ELAC2: variants seen among roughly 807,000 people sequenced by gnomAD.
ELAC2 encodes the protein elaC ribonuclease Z 2, also known as zinc phosphodiesterase ELAC protein 2.
In ELAC2, 92 loss-of-function variants were observed where a neutral mutation model predicts 105.2. The ratio of observed to expected loss-of-function variants is 0.87; its 90% CI spans 0.74 to 1.04. The LOEUF is 1.04. Among genes scored for constraint, ELAC2 ranks in the 50% least tolerant of loss-of-function variants. The probability of loss-of-function intolerance (pLI) is 0.00; values close to 1 mark genes in which losing one functional copy is unlikely to be tolerated. For synonymous variants in ELAC2, 468 were observed against 409.1 expected (o/e 1.14, Z -1.74); for missense variants, 1,099 against 1,071.7 (o/e 1.03, Z -0.36).
At chr17:12,996,410 A>C (rs1239781248) in intron 17 of ELAC2, 137 bp downstream of exon 17, 1 of 1,363,238 alleles carries the variant, frequency 7.3e-7, no homozygotes, top group Non-Finnish European at 1.0e-6. Flanking sequence ...TTTGCAAAAA[A>C]CCATTTCCTA....
At position 13,017,942 on chromosome 17, in the gene ELAC2, C is replaced by A; in HGVS notation, c.6G>T (p.Trp2Cys). ...CGGACCGCAGCAGCGAGCAAAGCGC[C>A]CACATGCGCCCGTCTCCACCAAAAC... is the stretch of plus-strand genomic sequence containing the variant. M[W>C]ALCSLLRSAA... The change falls in exon 1 of 24, where the codon TGG (tryptophan) becomes TGT (cysteine). Residue 2 changes from tryptophan to cysteine, a missense_variant. Physicochemically the swap from Trp to Cys is radical, Grantham distance 215. Transcript: ENST00000338034. 1 of 1,537,056 alleles carries A rather than the reference C, an allele frequency of 6.5e-7. No homozygotes were observed. The highest frequency in any genetic ancestry group is 1.4e-5 in the African/African-American group (1 of 73,082).
chr17:13,015,473 C>T (rs945824395), intron 4 of ELAC2, among the ~76,000 whole-genome samples: 2 of 152,222 alleles, frequency 1.3e-5, no homozygotes, highest in African/African-American at 4.8e-5. Context: ...AAACATATAT[C>T]TAATAAAGTG....
In ELAC2 at chr17:13,017,995, G is replaced by T. The variant is rs1471680571; in HGVS notation, c.-48C>A. 6.5e-7 allele frequency: 1 copy of T among 1,533,802 alleles called. No individual in the cohort carries two copies. The highest frequency in any genetic ancestry group is 2.4e-5 in the East Asian group (1 of 40,866). On this transcript the variant is annotated 5_prime_UTR_variant, in exon 1 of 24. Coordinates refer to ENST00000338034, the MANE Select transcript of ELAC2 (RefSeq NM_018127.7). ...AGAAAGCCGCCGGTCACCTACGCCC[G>T]CGTTTCCCGTGCACCACCTAGCCGC...
At position 13,017,992 on chromosome 17, in the gene ELAC2, C is replaced by T. The variant is rs1030332950; in HGVS notation, c.-45G>A. On this transcript the variant is annotated 5_prime_UTR_variant, in exon 1 of 24. Coordinates refer to ENST00000338034, the MANE Select transcript of ELAC2 (RefSeq NM_018127.7). ...CTGAGAAAGCCGCCGGTCACCTACG[C>T]CCGCGTTTCCCGTGCACCACCTAGC... is the stretch of plus-strand genomic sequence containing the variant. 3.3e-6 allele frequency: 5 copies of T among 1,533,740 alleles called. No individual in the cohort carries two copies. Among genetic ancestry groups the T allele is most frequent in the East Asian group, 4.9e-5 (2 of 40,870 alleles).
At chr17:13,006,911 G>T (rs1319533266) in intron 8 of ELAC2, among the ~76,000 whole-genome samples, 1 of 151,998 alleles carries the variant, frequency 6.6e-6, no homozygotes. Context: ...CATGAGGTCA[G>T]GAGATCAAGA....
In ELAC2 at chr17:13,002,510, G is replaced by C; in HGVS notation, c.1149C>G (p.His383Gln). ...TGAGGTTGAGCTGGGTTTGAATCTT[G>C]TGGCTGCGAAGGTTGTGAACTGAGG... Reference protein sequence around the residue: ...NCASVHNLRSHKIQTQLNLIH... With the variant: ...NCASVHNLRSQKIQTQLNLIH... Residue 383 changes from histidine (H) to glutamine (Q), a missense_variant, in exon 13 of 24, where the codon CAC (histidine) becomes CAG (glutamine). Coordinates refer to ENST00000338034, the MANE Select transcript of ELAC2 (RefSeq NM_018127.7). 6.2e-7 allele frequency: 1 copy of C among 1,606,106 alleles called. No homozygotes were observed. Among genetic ancestry groups the C allele is most frequent in the African/African-American group, 1.3e-5 (1 of 74,956 alleles).
intron 23 of ELAC2, among the ~76,000 whole-genome samples, chr17:12,993,446 G>A (rs1456508883): frequency 6.6e-6 from 1 of 152,228 alleles, no homozygotes; most frequent in African/African-American, 2.4e-5. Context: ...GAGCAGTCCA[G>A]GCCTAAAAGG....
At chr17:13,010,373 G>A (rs775183323) in intron 8 of ELAC2, among the ~76,000 whole-genome samples, 15 of 152,152 alleles carry the variant, frequency 9.9e-5, no homozygotes, top group African/African-American at 2.7e-4. Flanking sequence ...GTTTCACCAC[G>A]TTGGTCAGGC....
intron 15 of ELAC2, among the ~76,000 whole-genome samples, chr17:12,998,742 G>A (rs1393947757): frequency 6.6e-6 from 1 of 152,158 alleles, no homozygotes; most frequent in Non-Finnish European, 1.5e-5. Context: ...CTGGCTCTCA[G>A]GAGACTGCAT....
At chr17:12,993,594 G>C in intron 23 of ELAC2, 93 bp downstream of exon 23, 1 of 1,587,636 alleles carries the variant, frequency 6.3e-7, no homozygotes, top group Non-Finnish European at 8.6e-7. Flanking sequence ...CCCCAAATAA[G>C]AAAGCAAACT....
chr17:12,994,626 T>A, intron 21 of ELAC2, 123 bp from the exon 22 acceptor site: 1 of 1,597,590 alleles, frequency 6.3e-7, no homozygotes. Context: ...CCTACTAGGA[T>A]GACAACCAGA....
rs777147755 is a variant in ELAC2 at position 12,992,896 on chromosome 17, G to A, written c.2403C>T (p.Gly801=). ...RAALLSRELA[G]GLEDGEPQQK... ...GCTGAGGCTCCCCATCCTCCAGGCC[G>A]CCTGCCAGCTCCCTGGACAGGAGGG... The change falls in exon 24 of 24, where the codon GGC becomes GGT. Residue 801 remains glycine (G), a synonymous_variant. Transcript: ENST00000338034. 6.9e-5 allele frequency: 112 copies of A among 1,611,956 alleles called. No individual in the cohort carries two copies. Among genetic ancestry groups the A allele is most frequent in the East Asian group, 8.9e-5 (4 of 44,882 alleles).
chr17:12,992,783 C>G lies in ELAC2; in HGVS notation c.*35G>C, dbSNP rs200249647. ...ACGGGTGCGTGCGTGGGGCAGAAGA[C>G]ACACAGCCTTCTGAGTTCAGGGTCT... On this transcript the variant is annotated 3_prime_UTR_variant, in exon 24 of 24. Coordinates refer to ENST00000338034, the MANE Select transcript of ELAC2 (RefSeq NM_018127.7). The G allele has an allele frequency of 3.1e-6, 5 of 1,611,402 alleles. No individual in the cohort carries two copies. In the East Asian group the frequency reaches 8.9e-5, roughly 29 times the overall value.
intron 8 of ELAC2, among the ~76,000 whole-genome samples, chr17:13,006,944 T>A (rs1190398946): frequency 1.3e-5 from 2 of 151,672 alleles, no homozygotes; most frequent in African/African-American, 2.4e-5. Flanking sequence ...AGACGGTGAA[T>A]CCCTGTCACT....
chr17:13,017,484 A>T, intron 1 of ELAC2: 1 of 987,984 alleles, frequency 1.0e-6, no homozygotes, highest in Non-Finnish European at 1.5e-6. Flanking sequence ...GGTTGGGAAA[A>T]GGACGCTCAG....
chr17:13,012,815 A>C (rs368909387), intron 6 of ELAC2, among the ~76,000 whole-genome samples: 2 of 152,106 alleles, frequency 1.3e-5, no homozygotes, highest in Non-Finnish European at 2.9e-5. Context: ...ACCCCCAACA[A>C]CACTTCTTTT....
rs751953085 is a variant in ELAC2, at chr17:13,017,951, C to G, written c.-4G>C. On this transcript the variant is annotated 5_prime_UTR_variant, in exon 1 of 24. Transcript: ENST00000338034. The stretch of plus-strand genomic sequence containing the variant: ...GCAGCGAGCAAAGCGCCCACATGCG[C>G]CCGTCTCCACCAAAACTGAGAAAGC... The G allele has an allele frequency of 2.0e-6, 3 of 1,536,268 alleles. No homozygotes were observed. Among genetic ancestry groups the G allele is most frequent in the Non-Finnish European group, 2.6e-6 (3 of 1,146,660 alleles).
In ELAC2 at chr17:12,992,127, T is replaced by TTTGA. The variant is rs71144943; in HGVS notation, c.*687_*690dup. Among the ~76,000 whole-genome samples, 5,961 of 150,738 alleles carry TTTGA rather than the reference T, an allele frequency of 0.04. 213 individuals carry two copies. The highest frequency in any genetic ancestry group is 0.093 in the South Asian group (441 of 4,734). On this transcript the variant is annotated 3_prime_UTR_variant, in exon 24 of 24. Coordinates refer to ENST00000338034, the MANE Select transcript of ELAC2 (RefSeq NM_018127.7). The stretch of plus-strand genomic sequence containing the variant: ...GCCCAGCCAGGCTCTCACTGATTGA[T>TTTGA]TTGATTGATTGATTGATTGATTGAT...
At chr17:12,996,832 A>G (rs1000686298) in intron 16 of ELAC2, 147 bp from the exon 17 acceptor site, 33 of 1,111,588 alleles carry the variant, frequency 3.0e-5, no homozygotes, top group Non-Finnish European at 4.2e-5. Flanking sequence ...TATAAAAGCC[A>G]ATTAATTTAA....
Sources: allele counts gnomAD v4.1 joint callset (sites outside exome capture counted in the v4.1 genomes callset), GRCh38; gene constraint gnomAD v4.1.1; transcripts MANE v1.5; gene names NCBI Gene and HGNC (gene_info 2026-07-23, HGNC 2026-07-21).